The following LINGO2 variants were observed in gnomAD, a reference collection of about 807,000 sequenced individuals.
The protein encoded by LINGO2 is leucine rich repeat and Ig domain containing 2, also known as leucine-rich repeat and immunoglobulin-like domain-containing nogo receptor-interacting protein 2.
Under a neutral mutation model 30.6 loss-of-function variants are expected in LINGO2, and 14 were observed. That is an observed-to-expected ratio of 0.46 (90% CI 0.30 to 0.72). The LOEUF (loss-of-function observed/expected upper bound fraction) is 0.72, where lower values mean the gene tolerates loss of function less well. Among genes scored for constraint, LINGO2 ranks in the 30% least tolerant of loss-of-function variants. The pLI is 0.07. For missense variants in LINGO2, 729 were observed against 751.7 expected, an observed-to-expected ratio of 0.97 and a Z score of 0.35; for synonymous variants, 317 against 288.5, an observed-to-expected ratio of 1.10 and a Z score of -1.00.
At chr9:28,688,687 G>A in the LINGO2 span, among the ~76,000 whole-genome samples, 2 of 152,054 alleles carry the variant, frequency 1.3e-5, no homozygotes, top group African/African-American at 2.4e-5. Context: ...ACAACTAAGC[G>A]CAGGCAGGCA....
chr9:27,940,878 C>G, the LINGO2 span: 6 of 152,142 alleles, frequency 3.9e-5, no homozygotes, highest in Non-Finnish European at 7.4e-5. Flanking sequence ...TGTTTAAGTA[C>G]AAGTTCTGAA....
At chr9:28,974,149 C>T in the LINGO2 span, among the ~76,000 whole-genome samples, 2 of 152,200 alleles carry the variant, frequency 1.3e-5, no homozygotes, top group African/African-American at 2.4e-5. Context: ...TGGCTCACAC[C>T]TGTAATCCCA....
At chr9:28,645,553 A>G (rs1471003903) in intron 1 of LINGO2, among the ~76,000 whole-genome samples, 1 of 152,116 alleles carries the variant, frequency 6.6e-6, no homozygotes, top group Non-Finnish European at 1.5e-5. Flanking sequence ...GTTGTCTAAT[A>G]GTTCAAAATC....
At chr9:28,863,954 A>G in the LINGO2 span, among the ~76,000 whole-genome samples, 10 of 152,140 alleles carry the variant, frequency 6.6e-5, no homozygotes, top group African/African-American at 2.4e-4. Context: ...TCCTAATACA[A>G]TAACTAGCAT....
chr9:29,102,118 G>A, the LINGO2 span, among the ~76,000 whole-genome samples: 2 of 148,148 alleles, frequency 1.3e-5, no homozygotes, highest in African/African-American at 2.5e-5. Flanking sequence ...GTCTCGCTCT[G>A]TCGCCCAGGT....
chr9:28,207,871 G>T (rs753755473), intron 4 of LINGO2, among the ~76,000 whole-genome samples: 1 of 148,614 alleles, frequency 6.7e-6, no homozygotes, highest in Non-Finnish European at 1.5e-5. Flanking sequence ...GAAAGAGGGT[G>T]TTTTTTTTTT....
chr9:28,449,020 T>C (rs1289442209), intron 2 of LINGO2, among the ~76,000 whole-genome samples: 1 of 146,986 alleles, frequency 6.8e-6, no homozygotes, highest in Non-Finnish European at 1.5e-5. Context: ...ATTCTGCCTA[T>C]GTATTCACAT....
At position 28,515,133 on chromosome 9, in the gene LINGO2, A is replaced by G. The variant is rs530063331; in HGVS notation, c.-364-39108T>C. On this transcript the variant is annotated intron_variant, in intron 1 of 5. Coordinates refer to ENST00000379992, the Ensembl canonical transcript of LINGO2. Reference sequence around the variant, plus strand: ...TATTAATGTTCTCTTGCCTGCAGACACAACATCCATTCTGCAGTCCACGGA... The same window carrying G: ...TATTAATGTTCTCTTGCCTGCAGACGCAACATCCATTCTGCAGTCCACGGA... Among the ~76,000 whole-genome samples the G allele has an allele frequency of 1.1e-4, 17 of 152,222 alleles. No homozygotes were observed. The South Asian group carries it at 3.5e-3, about 32-fold the overall frequency.
chr9:28,840,222 C>A, the LINGO2 span, among the ~76,000 whole-genome samples: 1 of 151,758 alleles, frequency 6.6e-6, no homozygotes, highest in Non-Finnish European at 1.5e-5. Flanking sequence ...GTCTCCCACC[C>A]CTTCAAGTTG....
At chr9:28,775,033 C>T in the LINGO2 span, among the ~76,000 whole-genome samples, 3 of 152,010 alleles carry the variant, frequency 2.0e-5, no homozygotes, top group African/African-American at 7.2e-5. Context: ...ACAGAGTCAA[C>T]TGGAAGAAGG....
the LINGO2 span, among the ~76,000 whole-genome samples, chr9:28,877,082 A>T: frequency 2.1e-5 from 3 of 145,546 alleles, no homozygotes; most frequent in Non-Finnish European, 3.0e-5. Flanking sequence ...TCCTTCACCC[A>T]CTTTTTGATG....
At chr9:29,108,586 C>G in the LINGO2 span, among the ~76,000 whole-genome samples, 1 of 152,142 alleles carries the variant, frequency 6.6e-6, no homozygotes, top group Non-Finnish European at 1.5e-5. Flanking sequence ...AGTAGCTAGG[C>G]TAATTATACA....
At chr9:28,156,208 T>C (rs555405191) in intron 4 of LINGO2, among the ~76,000 whole-genome samples, 2 of 152,210 alleles carry the variant, frequency 1.3e-5, no homozygotes, top group Non-Finnish European at 2.9e-5. Context: ...TTGAGAATAA[T>C]AATAGCAGAC....
intron 4 of LINGO2, among the ~76,000 whole-genome samples, chr9:28,125,577 G>A (rs1008330523): frequency 6.6e-6 from 1 of 152,098 alleles, no homozygotes; most frequent in African/African-American, 2.4e-5. Context: ...ATGAACATAT[G>A]CTGTTGACTG....
the LINGO2 span, among the ~76,000 whole-genome samples, chr9:28,779,912 C>T: frequency 3.3e-5 from 5 of 152,184 alleles, no homozygotes; most frequent in African/African-American, 4.8e-5. Flanking sequence ...CTTACTATCC[C>T]TCTGATGCAC....
intron 1 of LINGO2, among the ~76,000 whole-genome samples, chr9:28,640,440 C>T (rs1359046013): frequency 2.0e-5 from 3 of 151,768 alleles, no homozygotes; most frequent in Non-Finnish European, 4.4e-5. Flanking sequence ...CCATTCTCCC[C>T]GTTACTTTCA....
intron 3 of LINGO2, among the ~76,000 whole-genome samples, chr9:28,312,551 G>C (rs1476717688): frequency 6.6e-6 from 1 of 152,110 alleles, no homozygotes; most frequent in African/African-American, 2.4e-5. Flanking sequence ...AACATGCAGA[G>C]AGTACTGTGT....
At chr9:28,780,707 T>G in the LINGO2 span, among the ~76,000 whole-genome samples, 1 of 152,124 alleles carries the variant, frequency 6.6e-6, no homozygotes, top group East Asian at 1.9e-4. Flanking sequence ...TGTACATTTC[T>G]TTCTAGTTTT....
the LINGO2 span, among the ~76,000 whole-genome samples, chr9:28,724,720 A>G: frequency 6.6e-6 from 1 of 152,148 alleles, no homozygotes; most frequent in African/African-American, 2.4e-5. Context: ...TTGGGAGGGA[A>G]AAGCCCACAA....
Sources: allele counts gnomAD v4.1 joint callset (sites outside exome capture counted in the v4.1 genomes callset), GRCh38; gene constraint gnomAD v4.1.1; transcripts MANE v1.5; gene names NCBI Gene and HGNC (gene_info 2026-07-23, HGNC 2026-07-21).